Variants in ATP1A1 observed in about 807,000 individuals in gnomAD.
The protein encoded by ATP1A1 is sodium/potassium-transporting ATPase subunit alpha-1.
ATP1A1 carries 14 observed loss-of-function variants against 114.8 expected under a neutral mutation model. The observed-to-expected ratio is 0.12, with a 90% confidence interval of 0.08 to 0.19. The LOEUF is 0.19. Among genes scored for constraint, ATP1A1 ranks in the 10% least tolerant of loss-of-function variants. ATP1A1 has a pLI of 1.00. For missense variants in ATP1A1, 524 were observed against 1,290.7 expected, an observed-to-expected ratio of 0.41 and a Z score of 9.10; for synonymous variants, 471 against 466.3, an observed-to-expected ratio of 1.01 and a Z score of -0.13.
rs937867865 is a variant in ATP1A1 at position 116,393,353 on chromosome 1, T to G, written c.1468-178T>G. On this transcript the variant is annotated intron_variant, in intron 11 of 22. Coordinates refer to ENST00000295598, the MANE Select transcript of ATP1A1 (RefSeq NM_000701.8). This position sits in a 1 kb window ranked among gnomAD's most constrained non-coding sequence, Gnocchi z 5.0. The stretch of plus-strand genomic sequence containing the variant: ...TTATGAATATATCATAGTGCTCATT[T>G]TTTTTTTTTTCTGTAGCATTCAAAG... Among the ~76,000 whole-genome samples the G allele has an allele frequency of 1.3e-5, 2 of 151,796 alleles. No individual in the cohort carries two copies. The highest frequency in any genetic ancestry group is 4.9e-5 in the African/African-American group (2 of 41,152).
At chr1:116,403,426 T>C (rs1053994538) in intron 21 of ATP1A1, among the ~76,000 whole-genome samples, 7 of 152,172 alleles carry the variant, frequency 4.6e-5, no homozygotes, top group Admixed American at 1.3e-4. Flanking sequence ...TTGTCAGAGA[T>C]CAAATTTGGG....
At chr1:116,373,544 G>C in intron 1 of ATP1A1, 21 bp downstream of exon 1, 1 of 1,448,418 alleles carries the variant, frequency 6.9e-7, no homozygotes, top group Non-Finnish European at 9.1e-7. Context: ...GGCGCGCCCG[G>C]GGAGGGGGCT....
chr1:116,374,380 C>T (rs1260055824), intron 1 of ATP1A1: 1 of 1,245,418 alleles, frequency 8.0e-7, no homozygotes, highest in Non-Finnish European at 1.1e-6. Flanking sequence ...GATAGGCAGA[C>T]CCACCAGGGC....
intron 3 of ATP1A1, among the ~76,000 whole-genome samples, chr1:116,386,374 G>C (rs1029580963): frequency 6.6e-6 from 1 of 152,088 alleles, no homozygotes; most frequent in African/African-American, 2.4e-5. Flanking sequence ...AATGCTGCGG[G>C]TCTATTTCTT....
Position 116,403,974 on chromosome 1 carries a change from C to T in ATP1A1, c.3042C>T (p.Gly1014=), listed in dbSNP as rs1653759705. 2 of 1,613,458 alleles carry T rather than the reference C, an allele frequency of 1.2e-6. No individual in the cohort carries two copies. Among genetic ancestry groups the T allele is most frequent in the Non-Finnish European group, 1.7e-6 (2 of 1,179,538 alleles). The change falls in exon 22 of 23, where the codon GGC becomes GGT. Residue 1014 remains glycine (G), a splice_region_variant and synonymous_variant. Coordinates refer to ENST00000295598, the MANE Select transcript of ATP1A1 (RefSeq NM_000701.8). ...AACTCATCATCAGGCGACGCCCTGG[C>T]GGTAATTATGGGCATTCTGACTTTG... ...VRKLIIRRRP[G]GWVEKETYY
chr1:116,390,454 C>T (rs377374839), intron 9 of ATP1A1, 43 bp downstream of exon 9: 88 of 1,536,432 alleles, frequency 5.7e-5, no homozygotes, highest in Non-Finnish European at 6.5e-5. Flanking sequence ...CTGCTGACTT[C>T]GCTTGGTTTT....
rs1292265206 is a variant in ATP1A1 at position 116,384,134 on chromosome 1, A to G, written c.123+10A>G. ...GAAAGAAGTTTCTATGGTAAGTACT[A>G]GGAGGAATATTGTATTCCATCCTTA... On this transcript the variant is annotated intron_variant, in intron 2 of 22. Transcript: ENST00000295598. The surrounding 1 kb of genome is among the most constrained non-coding windows in gnomAD (Gnocchi z 5.1). 1.9e-6 allele frequency: 3 copies of G among 1,603,078 alleles called. No individual in the cohort carries two copies. The highest frequency in any genetic ancestry group is 3.3e-5 in the Admixed American group (2 of 59,978).
In ATP1A1 at chr1:116,388,990, T is replaced by C; in HGVS notation, c.725T>C (p.Ile242Thr). The C allele has an allele frequency of 6.2e-7, 1 of 1,614,214 alleles. No individual in the cohort carries two copies. Among genetic ancestry groups the C allele is most frequent in the Non-Finnish European group, 8.5e-7 (1 of 1,180,036 alleles). Residue 242 changes from isoleucine (I) to threonine (T), a missense_variant, in exon 7 of 23, where the codon ATT becomes ACT. This residue lies in a region of ATP1A1 where 141 missense variants were observed against 316.6 expected (regional missense o/e 0.45). Transcript: ENST00000295598. The surrounding 1 kb of genome is among the most constrained non-coding windows in gnomAD (Gnocchi z 5.6). The stretch of plus-strand genomic sequence containing the variant: ...GAAAACCCCCTGGAGACGAGGAACA[T>C]TGCCTTCTTTTCAACCAATTGTGTT... The part of the protein sequence containing the change: ...TNENPLETRN[I>T]AFFSTNCVEG...
chr1:116,398,148 G>C lies in ATP1A1; in HGVS notation c.2124+110G>C, dbSNP rs1485856930. 2.1e-6 allele frequency: 3 copies of C among 1,443,034 alleles called. No homozygotes were observed. The highest frequency in any genetic ancestry group is 2.7e-5 in the South Asian group (2 of 75,086). 89.4% of individuals were successfully genotyped at this position (1,443,034 alleles called of 1,614,324 possible). On this transcript the variant is annotated intron_variant, in intron 15 of 22. Coordinates refer to ENST00000295598, the MANE Select transcript of ATP1A1 (RefSeq NM_000701.8). The surrounding 1 kb of genome is among the most constrained non-coding windows in gnomAD (Gnocchi z 6.1). ...GATGGATGCATACCTCGCTGTATTA[G>C]ACTCAGTATAAATAGGCCAGTAGGA...
In ATP1A1 at chr1:116,404,429, G is replaced by A. The variant is rs9567; in HGVS notation, c.3057G>A (p.Lys1019=). The change falls in exon 23 of 23, where the codon AAG becomes AAA. Residue 1019 remains lysine (K), a synonymous_variant. Transcript: ENST00000295598. This position sits in a 1 kb window ranked among gnomAD's most constrained non-coding sequence, Gnocchi z 4.8. ...TGCCACCCACAGGCTGGGTGGAGAA[G>A]GAAACCTACTATTAGCCCCCCGTCC... The part of the protein sequence containing the change: ...IRRRPGGWVE[K]ETYY 20,133 of 1,612,830 alleles carry A rather than the reference G, an allele frequency of 0.012. 1,081 individuals carry two copies. In the African/African-American group the frequency reaches 0.14, roughly 11 times the overall value.
chr1:116,404,391 T>C lies in ATP1A1; in HGVS notation c.3044-25T>C, dbSNP rs953583092. 3.7e-6 allele frequency: 6 copies of C among 1,613,916 alleles called. No individual in the cohort carries two copies. Among genetic ancestry groups the C allele is most frequent in the South Asian group, 1.1e-5 (1 of 91,032 alleles). On this transcript the variant is annotated intron_variant, in intron 22 of 22. Transcript: ENST00000295598. The surrounding 1 kb of genome is among the most constrained non-coding windows in gnomAD (Gnocchi z 4.8). ...CGAGGAAGACTCACTGTAGTGTGTC[T>C]TGTCTGTCTCTTTGCCACCCACAGG... is the stretch of plus-strand genomic sequence containing the variant.
chr1:116,385,152 T>A lies in ATP1A1; in HGVS notation c.183+310T>A. 1 of 313,990 alleles carries A rather than the reference T, an allele frequency of 3.2e-6. No individual in the cohort carries two copies. Among genetic ancestry groups the A allele is most frequent in the East Asian group, 9.3e-5 (1 of 10,768 alleles). 19.5% of individuals were successfully genotyped at this position (313,990 alleles called of 1,614,324 possible). On this transcript the variant is annotated intron_variant, in intron 3 of 22. Coordinates refer to ENST00000295598, the MANE Select transcript of ATP1A1 (RefSeq NM_000701.8). This position sits in a 1 kb window ranked among gnomAD's most constrained non-coding sequence, Gnocchi z 4.3. ...TATGCCTTGACCTTTTGATGATAAA[T>A]TTTCCCTTTATTTTTCTACATTTGT...
At position 116,390,298 on chromosome 1, in the gene ATP1A1, C is replaced by T; in HGVS notation, c.1109C>T (p.Thr370Met). Residue 370 changes from threonine (T) to methionine (M), a missense_variant, in exon 9 of 23, where the codon ACG (threonine) becomes ATG (methionine). By Grantham distance (81) the Thr-to-Met change is moderately conservative (BLOSUM62 -1). Transcript: ENST00000295598. ...NLEAVETLGS[T>M]STICSDKTGT... Reference sequence around the variant, plus strand: ...GAAGCTGTGGAGACCTTGGGGTCCACGTCCACCATCTGCTCTGATAAAACT... The same window carrying T: ...GAAGCTGTGGAGACCTTGGGGTCCATGTCCACCATCTGCTCTGATAAAACT... The T allele has an allele frequency of 6.2e-7, 1 of 1,614,092 alleles. No individual in the cohort carries two copies. The highest frequency in any genetic ancestry group is 8.5e-7 in the Non-Finnish European group (1 of 1,180,010).
In ATP1A1 at chr1:116,384,850, C is replaced by T. The variant is rs763923777; in HGVS notation, c.183+8C>T. ...GGAACAGACTTGAGCCGGGTATGTT[C>T]TAGTTTGAAAGCTGTTGTACAAAAT... On this transcript the variant is annotated splice_region_variant and intron_variant, in intron 3 of 22. Transcript: ENST00000295598. The surrounding 1 kb of genome is among the most constrained non-coding windows in gnomAD (Gnocchi z 5.1). The T allele has an allele frequency of 1.2e-6, 2 of 1,613,346 alleles. No homozygotes were observed.
At chr1:116,375,734 ATTT>A in intron 1 of ATP1A1, among the ~76,000 whole-genome samples, 1 of 152,196 alleles carries the variant, frequency 6.6e-6, no homozygotes, top group South Asian at 2.1e-4. Flanking sequence ...TCATGTTGGG[ATTT>A]TTCCACATGG....
rs962698555 is a variant in ATP1A1 at position 116,387,063 on chromosome 1, G to T, written c.184-225G>T. On this transcript the variant is annotated intron_variant, in intron 3 of 22. Transcript: ENST00000295598. The surrounding 1 kb of genome is among the most constrained non-coding windows in gnomAD (Gnocchi z 6.7). ...GATCAATTTAAAGAGTTTTAATCTGGGTGTTATGAGTTCCTTGGGCCTATT... is the reference window on the plus strand; with the variant it reads ...GATCAATTTAAAGAGTTTTAATCTGTGTGTTATGAGTTCCTTGGGCCTATT... 6.6e-6 allele frequency among the ~76,000 whole-genome samples: 1 copy of T among 152,130 alleles called. No individual in the cohort carries two copies. Among genetic ancestry groups the T allele is most frequent in the Non-Finnish European group, 1.5e-5 (1 of 68,022 alleles).
At chr1:116,382,960 G>A (rs1449277548) in intron 1 of ATP1A1, among the ~76,000 whole-genome samples, 1 of 152,200 alleles carries the variant, frequency 6.6e-6, no homozygotes, top group Non-Finnish European at 1.5e-5. Context: ...GCTTCAGGGG[G>A]AGGTGTCTGG....
chr1:116,383,776 C>T (rs1192854020), intron 1 of ATP1A1, among the ~76,000 whole-genome samples: 4 of 152,272 alleles, frequency 2.6e-5, no homozygotes, highest in African/African-American at 9.6e-5. Flanking sequence ...CCGGTAGCTT[C>T]AGTATTGTTC....
chr1:116,373,295 C>G lies in ATP1A1; in HGVS notation c.-217C>G. 2.5e-6 allele frequency: 1 copy of G among 408,020 alleles called. No individual in the cohort carries two copies. Among genetic ancestry groups the G allele is most frequent in the Non-Finnish European group, 4.3e-6 (1 of 232,830 alleles). The allele number at this position is 408,020 out of a possible 1,614,324, so 25.3% of individuals were successfully genotyped here. ...GAGCAGCGGCGGGAGGAGGCGGACA[C>G]GTGGCAACAGCGGTAGCAGCCCGGG... On this transcript the variant is annotated 5_prime_UTR_variant, in exon 1 of 23. Transcript: ENST00000295598.
Sources: gnomAD v4.1 joint callset for allele counts (sites outside exome capture counted in the v4.1 genomes callset) on GRCh38, gnomAD v4.1.1 for gene constraint, gnomAD v4.1.1 regional missense constraint, Gnocchi (gnomAD v3.1) non-coding constraint, MANE v1.5 for transcripts, NCBI Gene and HGNC (gene_info 2026-07-23, HGNC 2026-07-21) for gene names.